ADAMTS16: variants seen among roughly 807,000 people sequenced by gnomAD.
ADAMTS16 encodes the protein ADAM metallopeptidase with thrombospondin type 1 motif 16, also known as A disintegrin and metalloproteinase with thrombospondin motifs 16.
A neutral mutation model predicts 145.8 loss-of-function variants in ADAMTS16; 94 were observed. The observed-to-expected ratio is 0.64, with a 90% confidence interval of 0.55 to 0.77. The LOEUF is 0.77. ADAMTS16 is among the 30% of genes least tolerant of loss of function. The pLI is 0.00. For missense variants in ADAMTS16, 1,585 were observed against 1,591.5 expected (o/e 1.00, Z 0.07); for synonymous variants, 659 against 604.3 (o/e 1.09, Z -1.33).
intron 16 of ADAMTS16, 138 bp downstream of exon 16, chr5:5,240,063 G>C: frequency 7.3e-7 from 1 of 1,367,094 alleles, no homozygotes; most frequent in Middle Eastern, 2.7e-4. Flanking sequence ...GCCGGAATGA[G>C]GCAGCAGGCT....
rs745837005 is a variant in ADAMTS16 at position 5,303,265 on chromosome 5, C to T, written c.2790-3C>T. ...TCACCGAGGTCTCTTTGTCCCTGCC[C>T]AGCTGGTCCGTGGGGAACTGGAGTG... On this transcript the variant is annotated splice_region_variant and splice_polypyrimidine_tract_variant and intron_variant, in intron 18 of 22. Coordinates refer to ENST00000274181, the MANE Select transcript of ADAMTS16 (RefSeq NM_139056.4). 3.0e-5 allele frequency: 47 copies of T among 1,555,826 alleles called. No individual in the cohort carries two copies. Among genetic ancestry groups the T allele is most frequent in the Non-Finnish European group, 2.0e-5 (23 of 1,148,410 alleles).
intron 10 of ADAMTS16, among the ~76,000 whole-genome samples, chr5:5,214,864 T>G (rs1342208755): frequency 6.6e-6 from 1 of 152,228 alleles, no homozygotes; most frequent in East Asian, 1.9e-4. Context: ...TTATTTTTTT[T>G]AATGAACACC....
chr5:5,196,850 G>A (rs984034514), intron 8 of ADAMTS16, among the ~76,000 whole-genome samples: 3 of 152,112 alleles, frequency 2.0e-5, no homozygotes, highest in African/African-American at 7.2e-5. Context: ...AGGCTGGGGG[G>A]GTCAAGTAAT....
At chr5:5,256,844 G>C (rs150615235) in intron 17 of ADAMTS16, among the ~76,000 whole-genome samples, 1 of 152,134 alleles carries the variant, frequency 6.6e-6, no homozygotes, top group Non-Finnish European at 1.5e-5. Flanking sequence ...CTAAAAAGCC[G>C]TAAGAGTTTG....
chr5:5,298,360 C>T (rs1235974149), intron 18 of ADAMTS16, among the ~76,000 whole-genome samples: 2 of 152,246 alleles, frequency 1.3e-5, no homozygotes, highest in East Asian at 3.8e-4. Context: ...TCACAGAGAT[C>T]ATTGTTTATT....
chr5:5,278,417 C>T (rs1738780449), intron 18 of ADAMTS16, among the ~76,000 whole-genome samples: 1 of 152,130 alleles, frequency 6.6e-6, no homozygotes, highest in African/African-American at 2.4e-5. Context: ...AATTCGTGTC[C>T]CTCCGTCCTG....
rs186512355 is a variant in ADAMTS16 at position 5,296,396 on chromosome 5, A to G, written c.2790-6872A>G. On this transcript the variant is annotated intron_variant, in intron 18 of 22. Coordinates refer to ENST00000274181, the MANE Select transcript of ADAMTS16 (RefSeq NM_139056.4). ...GTTGACCGGACTCCCCGCCCTCCCC[A>G]GTTTTTTTATTGCCACATCCTAGTT... 3.0e-3 allele frequency among the ~76,000 whole-genome samples: 453 copies of G among 152,286 alleles called. 2 individuals carry two copies. The highest frequency in any genetic ancestry group is 0.011 in the African/African-American group (440 of 41,554).
chr5:5,228,802 G>A (rs73037129), intron 11 of ADAMTS16, among the ~76,000 whole-genome samples: 21,572 of 152,140 alleles, frequency 0.14, 2,901 homozygotes, highest in African/African-American at 0.36. Context: ...TCTGCTAGCC[G>A]TAATAAAGAA....
At chr5:5,220,028 G>C (rs1395818859) in intron 10 of ADAMTS16, among the ~76,000 whole-genome samples, 1 of 151,904 alleles carries the variant, frequency 6.6e-6, no homozygotes, top group African/African-American at 2.4e-5. Context: ...AAGCTTTCCT[G>C]GTCCTCTGTC....
Position 5,232,750 on chromosome 5 carries a change from C to T in ADAMTS16, c.1850+234C>T, listed in dbSNP as rs114148149. On this transcript the variant is annotated intron_variant, in intron 12 of 22. Transcript: ENST00000274181. ...TCCCAAGTAGCTGGGACTATAGGTGCCACCACCACGCCCTCCTAATTTTTG... is the reference window on the plus strand; with the variant it reads ...TCCCAAGTAGCTGGGACTATAGGTGTCACCACCACGCCCTCCTAATTTTTG... Among the ~76,000 whole-genome samples, 1,128 of 151,906 alleles carry T rather than the reference C, an allele frequency of 7.4e-3. 16 individuals are homozygous for T. The highest frequency in any genetic ancestry group is 0.026 in the African/African-American group (1,067 of 41,384).
In ADAMTS16 at chr5:5,319,964, A is replaced by T. The variant is rs534603507; in HGVS notation, c.*826A>T. On this transcript the variant is annotated 3_prime_UTR_variant, in exon 23 of 23. Coordinates refer to ENST00000274181, the MANE Select transcript of ADAMTS16 (RefSeq NM_139056.4). ...AATGACAGATCGAAGTATAGGTTAC[A>T]TCAAAACCCTACCATCCTGAGAAGA... 4.8e-5 allele frequency: 22 copies of T among 453,738 alleles called. No individual in the cohort carries two copies. The highest frequency in any genetic ancestry group is 3.4e-4 in the South Asian group (22 of 64,170). The allele number at this position is 453,738 out of a possible 1,614,324, so 28.1% of individuals were successfully genotyped here. A position where few individuals can be genotyped will look rare whatever the true frequency, so the allele number is the denominator to read the frequency against.
intron 18 of ADAMTS16, among the ~76,000 whole-genome samples, chr5:5,293,339 T>C (rs1739403778): frequency 6.6e-6 from 1 of 152,076 alleles, no homozygotes. Flanking sequence ...GAGAAGAAAA[T>C]ATTCAGTGGG....
chr5:5,215,761 G>A (rs1274866957), intron 10 of ADAMTS16, among the ~76,000 whole-genome samples: 114 of 141,738 alleles, frequency 8.0e-4, no homozygotes, highest in African/African-American at 2.7e-3. Context: ...GTATATATAT[G>A]TATGTGGTAT....
intron 12 of ADAMTS16, among the ~76,000 whole-genome samples, chr5:5,234,203 G>T (rs1046699152): frequency 6.6e-6 from 1 of 152,200 alleles, no homozygotes; most frequent in Non-Finnish European, 1.5e-5. Flanking sequence ...AATTCTCTGG[G>T]GTGAGCTGTC....
intron 20 of ADAMTS16, among the ~76,000 whole-genome samples, chr5:5,305,616 A>G (rs138142823): frequency 1.5e-3 from 229 of 152,282 alleles, no homozygotes; most frequent in African/African-American, 5.2e-3. Flanking sequence ...GAGTGTTCCA[A>G]GTCCTCTCCA....
intron 18 of ADAMTS16, among the ~76,000 whole-genome samples, chr5:5,264,010 T>C (rs1738136340): frequency 6.6e-6 from 1 of 152,140 alleles, no homozygotes; most frequent in African/African-American, 2.4e-5. Context: ...TGGCAGGTCA[T>C]CTTCTCCCAA....
intron 11 of ADAMTS16, among the ~76,000 whole-genome samples, chr5:5,228,524 A>G (rs1278094593): frequency 6.6e-6 from 1 of 152,180 alleles, no homozygotes; most frequent in East Asian, 1.9e-4. Context: ...TTTTAAAGAT[A>G]CACTCACACA....
chr5:5,164,870 G>C (rs1462595163), intron 3 of ADAMTS16, among the ~76,000 whole-genome samples: 1 of 152,040 alleles, frequency 6.6e-6, no homozygotes, highest in Non-Finnish European at 1.5e-5. Flanking sequence ...TAGAGACGGG[G>C]TTTTGCCATG....
Position 5,308,785 on chromosome 5 carries a change from C to T in ADAMTS16, c.3411+2057C>T, listed in dbSNP as rs531963339. ...CCAACATGGTGAAACCCTGTCTCTA[C>T]TAAAAAATACAAAAATTAACCGGGT... On this transcript the variant is annotated intron_variant, in intron 21 of 22. Transcript: ENST00000274181. Among the ~76,000 whole-genome samples, 14 of 152,158 alleles carry T rather than the reference C, an allele frequency of 9.2e-5. No homozygotes were observed. The East Asian group carries it at 2.1e-3, about 23-fold the overall frequency.
Sources: allele counts gnomAD v4.1 joint callset (sites outside exome capture counted in the v4.1 genomes callset), GRCh38; gene constraint gnomAD v4.1.1; transcripts MANE v1.5; gene names NCBI Gene and HGNC (gene_info 2026-07-23, HGNC 2026-07-21).